INPP4A: variants seen among roughly 807,000 people sequenced by gnomAD.
The protein encoded by INPP4A is inositol polyphosphate-4-phosphatase, type I, 107kD.
INPP4A carries 33 observed loss-of-function variants against 119.8 expected under a neutral mutation model. The observed-to-expected ratio is 0.28, with a 90% CI of 0.21 to 0.37. INPP4A has a LOEUF of 0.37. Among genes scored for constraint, INPP4A ranks in the 10% least tolerant of loss-of-function variants. INPP4A has a pLI of 1.00. For missense variants in INPP4A, 956 were observed against 1,289.9 expected, an observed-to-expected ratio of 0.74 and a Z score of 3.97; for synonymous variants, 496 against 500.7, an observed-to-expected ratio of 0.99 and a Z score of 0.12.
At chr2:98,551,181 C>A (rs1693452845) in intron 13 of INPP4A, among the ~76,000 whole-genome samples, 1 of 152,178 alleles carries the variant, frequency 6.6e-6, no homozygotes, top group Non-Finnish European at 1.5e-5. Context: ...ATCTTGAACT[C>A]CCAGGCTCAA....
intron 1 of INPP4A, among the ~76,000 whole-genome samples, chr2:98,497,240 A>T (rs1004405670): frequency 6.6e-6 from 1 of 152,220 alleles, no homozygotes; most frequent in Non-Finnish European, 1.5e-5. Context: ...CACTGCCTAG[A>T]TTTCAGAGGC....
intron 10 of INPP4A, among the ~76,000 whole-genome samples, chr2:98,541,708 C>T (rs537187578): frequency 2.6e-5 from 4 of 152,324 alleles, no homozygotes; most frequent in Non-Finnish European, 5.9e-5. Context: ...CCTCAGCTTC[C>T]TGAACAGATA....
intron 22 of INPP4A, chr2:98,568,887 T>G (rs900617748): frequency 6.0e-6 from 3 of 503,832 alleles, no homozygotes; most frequent in African/African-American, 5.8e-5. Flanking sequence ...TACTAGCCTA[T>G]GTGACATGGC....
intron 1 of INPP4A, among the ~76,000 whole-genome samples, chr2:98,486,489 G>A (rs1679556476): frequency 6.6e-6 from 1 of 152,196 alleles, no homozygotes; most frequent in African/African-American, 2.4e-5. Context: ...CCCCAAAGCA[G>A]CGATGCATCT....
intron 24 of INPP4A, chr2:98,581,667 A>G: frequency 1.2e-6 from 2 of 1,605,480 alleles, no homozygotes; most frequent in Non-Finnish European, 1.7e-6. Flanking sequence ...CCTCTGTTCC[A>G]TCCCTTTATT....
In INPP4A at chr2:98,572,801, C is replaced by T; in HGVS notation, c.2519-14C>T. 1 of 1,540,876 alleles carries T rather than the reference C, an allele frequency of 6.5e-7. No individual in the cohort carries two copies. Reference sequence around the variant, plus strand: ...GTGCGTCACCCACTCCCACGAACTCCTTTTCTCTTCCAGGCCTGCCTCGGT... The same window carrying T: ...GTGCGTCACCCACTCCCACGAACTCTTTTTCTCTTCCAGGCCTGCCTCGGT... On this transcript the variant is annotated splice_polypyrimidine_tract_variant and intron_variant, in intron 22 of 24. Transcript: ENST00000409851.
intron 8 of INPP4A, 137 bp downstream of exon 8, chr2:98,538,111 T>C: frequency 3.2e-6 from 2 of 616,642 alleles, no homozygotes; most frequent in Non-Finnish European, 5.8e-6. Flanking sequence ...CCACGGACAC[T>C]CCGGTCCTCC....
At chr2:98,448,983 G>A (rs926431113) in intron 1 of INPP4A, among the ~76,000 whole-genome samples, 1 of 152,182 alleles carries the variant, frequency 6.6e-6, no homozygotes, top group African/African-American at 2.4e-5. Context: ...GTTTACAGGC[G>A]TGAGCCACTG....
chr2:98,520,517 A>G (rs1240954263), intron 3 of INPP4A, among the ~76,000 whole-genome samples, 170 bp from the exon 4 acceptor site: 1 of 152,144 alleles, frequency 6.6e-6, no homozygotes, highest in African/African-American at 2.4e-5. Context: ...TTGTGGGGTC[A>G]GGGACTTCTT....
intron 1 of INPP4A, among the ~76,000 whole-genome samples, chr2:98,461,792 C>T (rs1374848693): frequency 3.9e-5 from 6 of 152,240 alleles, no homozygotes; most frequent in South Asian, 2.1e-4. Context: ...CCTCTTCTGA[C>T]GGTTTCACTG....
Position 98,520,677 on chromosome 2 carries a change from T to A in INPP4A, c.107-10T>A. 6.8e-7 allele frequency: 1 copy of A among 1,472,210 alleles called. No individual in the cohort carries two copies. The highest frequency in any genetic ancestry group is 9.2e-7 in the Non-Finnish European group (1 of 1,083,652). The allele number at this position is 1,472,210 out of a possible 1,614,324, so 91.2% of individuals were successfully genotyped here. ...AAGGATGATTTTTCTGTCATTTCTT[T>A]TCTATTCAGGAAATATACAAGACCC... On this transcript the variant is annotated splice_polypyrimidine_tract_variant and intron_variant, in intron 3 of 24. Transcript: ENST00000409851.
At chr2:98,506,596 G>T (rs1340502527) in intron 1 of INPP4A, among the ~76,000 whole-genome samples, 1 of 152,222 alleles carries the variant, frequency 6.6e-6, no homozygotes, top group African/African-American at 2.4e-5. Context: ...CGGGCAGAAG[G>T]CACCTTGGCC....
At chr2:98,455,651 G>T (rs1478008471) in intron 1 of INPP4A, among the ~76,000 whole-genome samples, 2 of 152,146 alleles carry the variant, frequency 1.3e-5, no homozygotes, top group African/African-American at 2.4e-5. Context: ...GTGCCCAGGG[G>T]CTACATGGGT....
intron 1 of INPP4A, among the ~76,000 whole-genome samples, chr2:98,474,937 C>G (rs893878868): frequency 1.3e-5 from 2 of 152,054 alleles, no homozygotes; most frequent in Non-Finnish European, 2.9e-5. Flanking sequence ...TTAAAGATGA[C>G]TTAGGCCCTT....
chr2:98,570,055 C>G lies in INPP4A; in HGVS notation c.2518+1387C>G, dbSNP rs1398672009. On this transcript the variant is annotated intron_variant, in intron 22 of 24. Coordinates refer to ENST00000409851, the MANE Select transcript of INPP4A (RefSeq NM_001134225.2). The surrounding 1 kb of genome is among the most constrained non-coding windows in gnomAD (Gnocchi z 4.3). The stretch of plus-strand genomic sequence containing the variant: ...GGCGCTGGGGAGGTGAGGGCTGTGT[C>G]TGCTGGGAGAGCTGACAGACCTGGC... Among the ~76,000 whole-genome samples the G allele has an allele frequency of 6.6e-6, 1 of 152,132 alleles. No individual in the cohort carries two copies. Among genetic ancestry groups the G allele is most frequent in the Admixed American group, 6.5e-5 (1 of 15,290 alleles).
chr2:98,509,681 C>T (rs1684766870), intron 1 of INPP4A, among the ~76,000 whole-genome samples: 1 of 152,220 alleles, frequency 6.6e-6, no homozygotes, highest in Non-Finnish European at 1.5e-5. Flanking sequence ...GCTCCTGGCA[C>T]CTCCCAGACA....
At chr2:98,508,476 C>T (rs938045749) in intron 1 of INPP4A, among the ~76,000 whole-genome samples, 2 of 152,234 alleles carry the variant, frequency 1.3e-5, no homozygotes, top group African/African-American at 4.8e-5. Context: ...TGTGGACCCA[C>T]ACTCAGAGAT....
intron 11 of INPP4A, 98 bp from the exon 12 acceptor site, chr2:98,545,871 A>G (rs1692390280): frequency 3.7e-6 from 3 of 808,360 alleles, no homozygotes; most frequent in Non-Finnish European, 5.8e-6. Context: ...ATACCTGCTT[A>G]TATGCCACAG....
At chr2:98,461,640 G>A (rs1452061431) in intron 1 of INPP4A, among the ~76,000 whole-genome samples, 1 of 152,224 alleles carries the variant, frequency 6.6e-6, no homozygotes, top group Non-Finnish European at 1.5e-5. Flanking sequence ...AGCCATCCAT[G>A]TCCCCTCCCT....
Sources: gnomAD v4.1 joint callset for allele counts (sites outside exome capture counted in the v4.1 genomes callset) on GRCh38, gnomAD v4.1.1 for gene constraint, Gnocchi (gnomAD v3.1) non-coding constraint, MANE v1.5 for transcripts, NCBI Gene and HGNC (gene_info 2026-07-23, HGNC 2026-07-21) for gene names.